The following TNIK variants were observed in gnomAD, a reference collection of about 807,000 sequenced individuals.
TNIK encodes TRAF2 and NCK-interacting protein kinase.
A neutral mutation model predicts 191.3 loss-of-function variants in TNIK; 49 were observed. That is an observed-to-expected ratio of 0.26 (90% CI 0.20 to 0.32). TNIK has a LOEUF of 0.32. TNIK is among the 10% of genes least tolerant of loss of function. TNIK has a pLI of 1.00. For synonymous variants in TNIK, 594 were observed against 600.9 expected, an observed-to-expected ratio of 0.99 and a Z score of 0.17; for missense variants, 1,155 against 1,702.3, an observed-to-expected ratio of 0.68 and a Z score of 5.66.
intron 23 of TNIK, among the ~76,000 whole-genome samples, chr3:171,087,850 C>T (rs1304444822): frequency 6.6e-6 from 1 of 152,130 alleles, no homozygotes; most frequent in Admixed American, 6.5e-5. Context: ...GTGCTGTATG[C>T]ACCTGCCACT....
Position 171,460,191 on chromosome 3 carries a change from C to G in TNIK, c.-128G>C. 2 of 1,179,150 alleles carry G rather than the reference C, an allele frequency of 1.7e-6. No homozygotes were observed. The highest frequency in any genetic ancestry group is 2.6e-5 in the East Asian group (1 of 38,842). The allele number at this position is 1,179,150 out of a possible 1,614,324, so 73.0% of individuals were successfully genotyped here. ...GCCAGAGGCCCCGGGCCCAGCCTCC[C>G]CCGCCCACCCCAGCCCCACAGCGCC... On this transcript the variant is annotated 5_prime_UTR_variant, in exon 1 of 33. Coordinates refer to ENST00000436636, the MANE Select transcript of TNIK (RefSeq NM_015028.4). This position sits in a 1 kb window ranked among gnomAD's most constrained non-coding sequence, Gnocchi z 6.8.
intron 2 of TNIK, among the ~76,000 whole-genome samples, chr3:171,295,702 G>T (rs573818744): frequency 6.6e-6 from 1 of 152,196 alleles, no homozygotes. Context: ...CTGCCTGGAG[G>T]CCACGGTATT....
At chr3:171,228,893 G>T (rs1743278971) in intron 2 of TNIK, among the ~76,000 whole-genome samples, 1 of 152,140 alleles carries the variant, frequency 6.6e-6, no homozygotes, top group African/African-American at 2.4e-5. Flanking sequence ...TTTTCTCTTT[G>T]TTTGCTCCTT....
Position 171,090,805 on chromosome 3 carries a change from A to G in TNIK, c.2721+3034T>C, listed in dbSNP as rs548453740. Among the ~76,000 whole-genome samples the G allele has an allele frequency of 4.6e-5, 7 of 152,308 alleles. No homozygotes were observed. In the South Asian group the frequency reaches 8.3e-4, roughly 18 times the overall value. On this transcript the variant is annotated intron_variant, in intron 23 of 32. Coordinates refer to ENST00000436636, the MANE Select transcript of TNIK (RefSeq NM_015028.4). ...TAGGTAGAACCACAGGGATAAGGGT[A>G]TGCACTACAAGGGGAAATTTGTGCA...
At chr3:171,104,409 T>TAAAAAGTATTTAAAAAACAAAATA in intron 21 of TNIK, among the ~76,000 whole-genome samples, 1 of 149,232 alleles carries the variant, frequency 6.7e-6, no homozygotes. Context: ...AGCCTGGAGC[T>TAAAAAGTATTTAAAAAACAAAATA]AAAAAGTATT....
intron 10 of TNIK, among the ~76,000 whole-genome samples, chr3:171,166,528 T>A (rs969175286): frequency 8.0e-5 from 12 of 149,912 alleles, no homozygotes; most frequent in African/African-American, 3.0e-4. Context: ...TGCTTTTGCA[T>A]ATATAAAATA....
intron 4 of TNIK, among the ~76,000 whole-genome samples, chr3:171,204,080 A>G (rs1196698214): frequency 6.6e-6 from 1 of 152,202 alleles, no homozygotes; most frequent in East Asian, 1.9e-4. Flanking sequence ...CCTCCCTCCC[A>G]GTGTCTGAAT....
intron 2 of TNIK, among the ~76,000 whole-genome samples, chr3:171,251,374 T>A: frequency 6.6e-6 from 1 of 152,228 alleles, no homozygotes; most frequent in East Asian, 1.9e-4. Context: ...AGATGATGTC[T>A]ACATGTTTGG....
intron 18 of TNIK, among the ~76,000 whole-genome samples, chr3:171,120,257 G>T (rs568691121): frequency 2.6e-5 from 4 of 151,870 alleles, no homozygotes; most frequent in Non-Finnish European, 4.4e-5. Flanking sequence ...ACTACTAAGT[G>T]CAGGAAGCAA....
chr3:171,432,494 A>G (rs1725503538), intron 1 of TNIK, among the ~76,000 whole-genome samples: 1 of 152,230 alleles, frequency 6.6e-6, no homozygotes, highest in African/African-American at 2.4e-5. Context: ...TATGCCTAAA[A>G]AAGTAATTTC....
intron 7 of TNIK, among the ~76,000 whole-genome samples, chr3:171,185,221 G>T (rs1737214532): frequency 6.6e-6 from 1 of 150,376 alleles, no homozygotes; most frequent in African/African-American, 2.5e-5. Flanking sequence ...GTGTGTCTAT[G>T]GGGTGGGAGG....
At chr3:171,401,946 G>A (rs997892969) in intron 1 of TNIK, among the ~76,000 whole-genome samples, 5 of 152,290 alleles carry the variant, frequency 3.3e-5, no homozygotes, top group South Asian at 2.1e-4. Flanking sequence ...AAGTGATCAC[G>A]TCTGTTTCTT....
At chr3:171,354,936 A>G (rs147499714) in intron 2 of TNIK, among the ~76,000 whole-genome samples, 225 of 152,310 alleles carry the variant, frequency 1.5e-3, no homozygotes, top group Middle Eastern at 6.8e-3. Context: ...TCTGTTTTCA[A>G]TGTTGCTATT....
chr3:171,143,252 G>C (rs1368271570), intron 12 of TNIK, among the ~76,000 whole-genome samples: 1 of 152,192 alleles, frequency 6.6e-6, no homozygotes, highest in African/African-American at 2.4e-5. Flanking sequence ...GTGTCTCAAT[G>C]TTAATGCCAT....
intron 1 of TNIK, among the ~76,000 whole-genome samples, chr3:171,412,950 C>A (rs746105352): frequency 1.3e-5 from 2 of 152,208 alleles, no homozygotes; most frequent in Non-Finnish European, 2.9e-5. Flanking sequence ...AACCTGGAAG[C>A]ATCAGGAACA....
At chr3:171,140,608 T>C in intron 12 of TNIK, 99 bp from the exon 13 acceptor site, 1 of 1,083,446 alleles carries the variant, frequency 9.2e-7, no homozygotes. Flanking sequence ...ACATGAACTT[T>C]TAATGAGATA....
intron 2 of TNIK, among the ~76,000 whole-genome samples, chr3:171,280,117 G>T (rs1299427402): frequency 6.6e-6 from 1 of 152,120 alleles, no homozygotes; most frequent in African/African-American, 2.4e-5. Flanking sequence ...TTCCCTCCCG[G>T]CTATGTGGCA....
chr3:171,079,733 T>C, intron 27 of TNIK, 81 bp from the exon 28 acceptor site: 1 of 1,447,862 alleles, frequency 6.9e-7, no homozygotes, highest in South Asian at 1.4e-5. Flanking sequence ...TTATTTCTAA[T>C]TTATTTTATT....
intron 1 of TNIK, among the ~76,000 whole-genome samples, chr3:171,422,273 A>G (rs1020666942): frequency 1.3e-5 from 2 of 152,128 alleles, no homozygotes; most frequent in South Asian, 2.1e-4. Flanking sequence ...TAAGTAAAAT[A>G]TAATATATAT....
Sources: allele counts gnomAD v4.1 joint callset (sites outside exome capture counted in the v4.1 genomes callset), GRCh38; gene constraint gnomAD v4.1.1; non-coding constraint Gnocchi (gnomAD v3.1); transcripts MANE v1.5; gene names NCBI Gene and HGNC (gene_info 2026-07-23, HGNC 2026-07-21).